ZNF362: variants seen among roughly 807,000 people sequenced by gnomAD.
The protein encoded by ZNF362 is rotund homolog.
ZNF362 carries 11 observed loss-of-function variants against 42.9 expected under a neutral mutation model. The ratio of observed to expected loss-of-function variants is 0.26; its 90% confidence interval spans 0.16 to 0.42. The LOEUF (loss-of-function observed/expected upper bound fraction) is 0.42. Ranked by LOEUF, ZNF362 falls within the 20% of genes least tolerant of loss-of-function variation. The pLI is 1.00. For missense variants in ZNF362, 362 were observed against 576.2 expected (o/e 0.63, Z 3.81); for synonymous variants, 255 against 257.3 (o/e 0.99, Z 0.09).
At chr1:33,262,508 C>A (rs1025153988) in intron 1 of ZNF362, among the ~76,000 whole-genome samples, 1 of 151,858 alleles carries the variant, frequency 6.6e-6, no homozygotes, top group Non-Finnish European at 1.5e-5. Flanking sequence ...GGGGTTTCAC[C>A]GTGTTAGCCA....
chr1:33,174,998 C>T, the ZNF362 span, among the ~76,000 whole-genome samples: 597 of 40,626 alleles, frequency 0.015, 11 homozygotes, highest in African/African-American at 0.058. Context: ...TGCACACACA[C>T]ATGTATGTAT....
At chr1:33,235,978 G>A in the ZNF362 span, among the ~76,000 whole-genome samples, 1 of 152,316 alleles carries the variant, frequency 6.6e-6, no homozygotes, top group South Asian at 2.1e-4. Flanking sequence ...TTTATTGGAA[G>A]GGTGTTAGGG....
At chr1:33,269,744 G>C (rs573326155) in intron 1 of ZNF362, among the ~76,000 whole-genome samples, 1 of 152,304 alleles carries the variant, frequency 6.6e-6, no homozygotes, top group South Asian at 2.1e-4. Flanking sequence ...GCTGGGGCGG[G>C]GGTTGGGGGA....
intron 8 of ZNF362, 21 bp from the exon 9 acceptor site, chr1:33,298,909 G>C (rs1646144522): frequency 1.9e-6 from 3 of 1,607,062 alleles, no homozygotes; most frequent in Admixed American, 3.3e-5. Flanking sequence ...TCCCTGTTCT[G>C]AATCTCATCC....
In ZNF362 at chr1:33,260,042, TGTG is replaced by T. The variant is rs555519040; in HGVS notation, c.-89+3393_-89+3395del. 1.7e-4 allele frequency among the ~76,000 whole-genome samples: 26 copies of T among 152,270 alleles called. 1 individual carries two copies. The highest frequency in any genetic ancestry group is 5.8e-4 in the African/African-American group (24 of 41,552). ...CACGTCTCCCTGCCCTGGCCAGGCA[TGTG>T]GTGGGAGCTCAGTACGTACCCACTG... On this transcript the variant is annotated intron_variant, in intron 1 of 8. Coordinates refer to ENST00000539719, the MANE Select transcript of ZNF362 (RefSeq NM_152493.3).
chr1:33,275,386 C>T, intron 2 of ZNF362: 1 of 985,556 alleles, frequency 1.0e-6, no homozygotes, highest in Middle Eastern at 5.2e-4. Context: ...GCAGACTGCC[C>T]TAGCTTCAGC....
At chr1:33,127,687 A>G in the ZNF362 span, among the ~76,000 whole-genome samples, 1 of 152,236 alleles carries the variant, frequency 6.6e-6, no homozygotes, top group Non-Finnish European at 1.5e-5. Context: ...TACGAACCTA[A>G]GACTTGTCTC....
rs2148108468 is a variant in ZNF362 at position 33,280,544 on chromosome 1, A to T, written c.683+87A>T. The stretch of plus-strand genomic sequence containing the variant: ...CTCCAGGAGCCCAGCAGCGGGGCTG[A>T]AACAGGACCCTTAGGGCTGAGGGGC... On this transcript the variant is annotated intron_variant, in intron 5 of 8. Transcript: ENST00000539719. The surrounding 1 kb of genome is among the most constrained non-coding windows in gnomAD (Gnocchi z 5.6). The T allele has an allele frequency of 6.8e-7, 1 of 1,466,086 alleles. No homozygotes were observed. Among genetic ancestry groups the T allele is most frequent in the South Asian group, 1.4e-5 (1 of 71,486 alleles). The allele number at this position is 1,466,086 out of a possible 1,614,324, so 90.8% of individuals were successfully genotyped here. A position where few individuals can be genotyped will look rare whatever the true frequency, so the allele number is the denominator to read the frequency against.
At chr1:33,212,595 T>C in the ZNF362 span, among the ~76,000 whole-genome samples, 1 of 152,134 alleles carries the variant, frequency 6.6e-6, no homozygotes, top group Non-Finnish European at 1.5e-5. Flanking sequence ...CTTACAATCA[T>C]GGCAGAAGAC....
chr1:33,173,868 T>A, the ZNF362 span, among the ~76,000 whole-genome samples: 50 of 152,098 alleles, frequency 3.3e-4, no homozygotes, highest in Middle Eastern at 0.024. Flanking sequence ...GGATAATTTT[T>A]AAAAATTTAT....
At chr1:33,229,021 A>G in the ZNF362 span, among the ~76,000 whole-genome samples, 1 of 151,446 alleles carries the variant, frequency 6.6e-6, no homozygotes, top group African/African-American at 2.4e-5. Flanking sequence ...TTCCTCTGCA[A>G]GGGGTGGTTT....
the ZNF362 span, among the ~76,000 whole-genome samples, chr1:33,239,629 C>A: frequency 6.6e-6 from 1 of 152,088 alleles, no homozygotes; most frequent in African/African-American, 2.4e-5. Context: ...TAAGTGCAAG[C>A]AGGGGAAATG....
chr1:33,202,660 G>T, the ZNF362 span, among the ~76,000 whole-genome samples: 1 of 151,286 alleles, frequency 6.6e-6, no homozygotes, highest in African/African-American at 2.4e-5. Flanking sequence ...TGTAAGATTG[G>T]TTTAAGCATC....
At chr1:33,165,333 T>A in the ZNF362 span, 1 of 709,006 alleles carries the variant, frequency 1.4e-6, no homozygotes. This position sits in a 1 kb window ranked among gnomAD's most constrained non-coding sequence, Gnocchi z 4.0. Flanking sequence ...CCTGCCCTTC[T>A]CACTCCAGGT....
At chr1:33,268,348 G>C (rs1476087132) in intron 1 of ZNF362, among the ~76,000 whole-genome samples, 2 of 152,194 alleles carry the variant, frequency 1.3e-5, no homozygotes, top group Admixed American at 6.5e-5. Flanking sequence ...CCCCCCACCT[G>C]ATTATTAAGT....
chr1:33,282,866 A>G (rs1227154286), intron 6 of ZNF362, among the ~76,000 whole-genome samples: 1 of 151,542 alleles, frequency 6.6e-6, no homozygotes, highest in South Asian at 2.1e-4. Flanking sequence ...GGGTATAGAC[A>G]TCAGAAAGAC....
At chr1:33,226,400 A>G in the ZNF362 span, among the ~76,000 whole-genome samples, 1 of 152,196 alleles carries the variant, frequency 6.6e-6, no homozygotes, top group Non-Finnish European at 1.5e-5. Flanking sequence ...TCACATGAAT[A>G]TTCATAGCAG....
In ZNF362 at chr1:33,276,809, C is replaced by G. The variant is rs186880113; in HGVS notation, c.349+215C>G. Among the ~76,000 whole-genome samples, 8 of 152,256 alleles carry G rather than the reference C, an allele frequency of 5.3e-5. No homozygotes were observed. In the East Asian group the frequency reaches 5.8e-4, roughly 11 times the overall value. Reference sequence around the variant, plus strand: ...CAGTACTGGAAGGACCCTTCTCCCCCCAGTGGACACGACAGGAGCCGGTCA... The same window carrying G: ...CAGTACTGGAAGGACCCTTCTCCCCGCAGTGGACACGACAGGAGCCGGTCA... On this transcript the variant is annotated intron_variant, in intron 4 of 8. Coordinates refer to ENST00000539719, the MANE Select transcript of ZNF362 (RefSeq NM_152493.3).
chr1:33,189,657 A>ATATATATACACG, the ZNF362 span, among the ~76,000 whole-genome samples: 1 of 102,010 alleles, frequency 9.8e-6, no homozygotes, highest in African/African-American at 4.1e-5. Flanking sequence ...ATATATATAT[A>ATATATATACACG]TATATATATA....
Sources: gnomAD v4.1 joint callset for allele counts (sites outside exome capture counted in the v4.1 genomes callset) on GRCh38, gnomAD v4.1.1 for gene constraint, Gnocchi (gnomAD v3.1) non-coding constraint, MANE v1.5 for transcripts, NCBI Gene and HGNC (gene_info 2026-07-23, HGNC 2026-07-21) for gene names.